Variants in PZP observed in about 807,000 individuals in gnomAD.
PZP encodes pregnancy zone protein.
In PZP, 150 loss-of-function variants were observed where a neutral mutation model predicts 179.8. The ratio of observed to expected loss-of-function variants is 0.83; its 90% CI spans 0.73 to 0.96. PZP has a LOEUF of 0.96. PZP is among the 40% of genes least tolerant of loss of function. PZP has a pLI of 0.00. For synonymous variants in PZP, 624 were observed against 652.3 expected (o/e 0.96, Z 0.66); for missense variants, 1,689 against 1,764.0 (o/e 0.96, Z 0.76).
the PZP span, among the ~76,000 whole-genome samples, chr12:9,143,035 A>G: frequency 2.6e-5 from 4 of 152,376 alleles, no homozygotes; most frequent in East Asian, 7.7e-4. Context: ...AGAGAAAAAC[A>G]TAAAGGCCTT....
chr12:9,150,743 T>C lies in PZP; in HGVS notation c.4285A>G (p.Thr1429Ala). Residue 1429 changes from threonine (T) to alanine (A), a missense_variant, in exon 34 of 36, where the codon ACA (threonine) becomes GCA (alanine). This residue lies in a region of PZP where 746 missense variants were observed against 749.2 expected (regional missense o/e 1.00). Coordinates refer to ENST00000261336, the MANE Select transcript of PZP (RefSeq NM_002864.3). ...AAGGAAAAACTTAGCGTCTGATTTG[T>C]CACCTGAAAGGAAAAGTGGGAGTAA... Reference protein sequence around the residue: ...NHVLIYVEQVTNQTLSFSFMV... With the variant: ...NHVLIYVEQVANQTLSFSFMV... 1 of 1,607,926 alleles carries C rather than the reference T, an allele frequency of 6.2e-7. No individual in the cohort carries two copies. Among genetic ancestry groups the C allele is most frequent in the Non-Finnish European group, 8.5e-7 (1 of 1,175,228 alleles).
At chr12:9,203,055 G>T (rs1302201141) in intron 2 of PZP, among the ~76,000 whole-genome samples, 5 of 152,042 alleles carry the variant, frequency 3.3e-5, no homozygotes, top group Admixed American at 3.3e-4. Flanking sequence ...GTTTGCTTAG[G>T]GTATCCTGCA....
intron 16 of PZP, among the ~76,000 whole-genome samples, 162 bp downstream of exon 16, chr12:9,169,267 TG>T (rs1941814148): frequency 6.6e-6 from 1 of 152,246 alleles, no homozygotes; most frequent in South Asian, 2.1e-4. Context: ...AGCTTTTGTG[TG>T]ATCCTCACAA....
intron 7 of PZP, among the ~76,000 whole-genome samples, chr12:9,198,205 G>T (rs943609395): frequency 1.3e-5 from 2 of 151,616 alleles, no homozygotes; most frequent in African/African-American, 4.8e-5. Flanking sequence ...AAAAAGATTA[G>T]CTGGGTATGG....
Position 9,164,221 on chromosome 12 carries a change from A to C in PZP, c.2526T>G (p.Ala842=), listed in dbSNP as rs766147085. Residue 842 remains alanine (A), a synonymous_variant, in exon 20 of 36, where the codon GCT becomes GCG. Transcript: ENST00000261336. ...VQLKASPAFL[A]SQNTKGEESY... ...ATTCTTCTCCCTTTGTATTTTGGGA[A>C]GCTAGGAAGGCTGGAGAGGCTTTCA... 2 of 1,612,504 alleles carry C rather than the reference A, an allele frequency of 1.2e-6. No homozygotes were observed. Among genetic ancestry groups the C allele is most frequent in the East Asian group, 2.2e-5 (1 of 44,868 alleles).
In PZP at chr12:9,200,947, C is replaced by A. The variant is rs1239900676; in HGVS notation, c.615G>T (p.Val205=). 1 of 1,614,038 alleles carries A rather than the reference C, an allele frequency of 6.2e-7. No homozygotes were observed. The highest frequency in any genetic ancestry group is 8.5e-7 in the Non-Finnish European group (1 of 1,179,940). The change falls in exon 6 of 36, where the codon GTG becomes GTT. Residue 205 remains valine (V), a synonymous_variant. Transcript: ENST00000261336. ...TCCTTCCACCTGATTCTGTCTGTAC[C>A]ACCACCCTGTAGGAGCCCTGAATGG... The part of the protein sequence containing the change: ...SEPIQGSYRV[V]VQTESGGRIQ...
intron 17 of PZP, among the ~76,000 whole-genome samples, chr12:9,167,855 T>C (rs944958402): frequency 6.6e-6 from 1 of 152,202 alleles, no homozygotes; most frequent in African/African-American, 2.4e-5. Flanking sequence ...TCTATGTAAA[T>C]CTCATGGCTA....
Position 9,169,798 on chromosome 12 carries a change from A to T in PZP, c.1840-207T>A, listed in dbSNP as rs75698727. On this transcript the variant is annotated intron_variant, in intron 15 of 35. Coordinates refer to ENST00000261336, the MANE Select transcript of PZP (RefSeq NM_002864.3). The stretch of plus-strand genomic sequence containing the variant: ...GAAACCTACTTGGGAAAATGCTTCC[A>T]AAGATTAACAAAATCTTAAGTTATG... 4.5e-3 allele frequency: 1,939 copies of T among 428,370 alleles called. 31 individuals are homozygous for T. The highest frequency in any genetic ancestry group is 0.036 in the African/African-American group (1,739 of 48,920). The allele number at this position is 428,370 out of a possible 1,614,324, so 26.5% of individuals were successfully genotyped here.
At chr12:9,162,086 C>G (rs1428002327) in intron 22 of PZP, among the ~76,000 whole-genome samples, 1 of 152,142 alleles carries the variant, frequency 6.6e-6, no homozygotes, top group Non-Finnish European at 1.5e-5. Context: ...CCCAGCCCCC[C>G]ATGTAGCTGG....
intron 13 of PZP, among the ~76,000 whole-genome samples, chr12:9,182,580 A>T (rs1362569803): frequency 6.6e-6 from 1 of 152,242 alleles, no homozygotes. Flanking sequence ...TGAACTTCCT[A>T]AAAGAATATT....
downstream of PZP, among the ~76,000 whole-genome samples, chr12:9,147,840 G>C (rs1940090824): frequency 6.6e-6 from 1 of 152,034 alleles, no homozygotes; most frequent in African/African-American, 2.4e-5. Context: ...TTCTCCAAAT[G>C]TTGCCTTTAT....
At chr12:9,141,178 A>G in the PZP span, among the ~76,000 whole-genome samples, 1 of 152,204 alleles carries the variant, frequency 6.6e-6, no homozygotes, top group Admixed American at 6.5e-5. Context: ...GATAACGTAC[A>G]CTAAGATATA....
chr12:9,176,720 G>A (rs1354546723), intron 15 of PZP, among the ~76,000 whole-genome samples: 1 of 152,226 alleles, frequency 6.6e-6, no homozygotes, highest in Non-Finnish European at 1.5e-5. Flanking sequence ...TGATCTCAGA[G>A]TAATTATGGA....
Position 9,194,157 on chromosome 12 carries a change from T to C in PZP, c.1174A>G (p.Asn392Asp), listed in dbSNP as rs1209138657. 5 of 1,613,966 alleles carry C rather than the reference T, an allele frequency of 3.1e-6. No homozygotes were observed. The South Asian group carries it at 4.4e-5, about 14-fold the overall frequency. ...ISVNDANYYS[N>D]ATTNEQGLAQ... Reference sequence around the variant, plus strand: ...AGACCCTGCTCATTGGTGGTTGCATTGGAGTAATAATTGGCGTCATTCACA... The same window carrying C: ...AGACCCTGCTCATTGGTGGTTGCATCGGAGTAATAATTGGCGTCATTCACA... Residue 392 changes from asparagine (N) to aspartate (D), a missense_variant, in exon 11 of 36, where the codon AAT (asparagine) becomes GAT (aspartate). Asn to Asp is a conservative substitution (Grantham distance 23, BLOSUM62 1). Around this residue, in one of 3 missense-constraint regions of PZP, gnomAD observed 742 missense variants for 730.5 expected, o/e 1.02. Coordinates refer to ENST00000261336, the MANE Select transcript of PZP (RefSeq NM_002864.3).
At position 9,159,921 on chromosome 12, in the gene PZP, T is replaced by C. The variant is rs751449835; in HGVS notation, c.3137+17A>G. 6.3e-6 allele frequency: 10 copies of C among 1,588,490 alleles called. No individual in the cohort carries two copies. In the African/African-American group the frequency reaches 8.1e-5, roughly 13 times the overall value. ...CTGAACTCATAGTTGAAACTCAGAA[T>C]AGATTTTCTTTCTTACCAAGTGTTG... On this transcript the variant is annotated intron_variant, in intron 25 of 35. Transcript: ENST00000261336.
Position 9,203,958 on chromosome 12 carries a change from A to G in PZP, c.84-7T>C. ...GACCAGCACCATATACTGCCTGGGA[A>G]AGGAAGAAGTCTAAATTAGAGAAAA... On this transcript the variant is annotated splice_region_variant and splice_polypyrimidine_tract_variant and intron_variant, in intron 1 of 35. Coordinates refer to ENST00000261336, the MANE Select transcript of PZP (RefSeq NM_002864.3). 1.2e-6 allele frequency: 2 copies of G among 1,602,630 alleles called. No individual in the cohort carries two copies. The highest frequency in any genetic ancestry group is 1.7e-6 in the Non-Finnish European group (2 of 1,174,376).
rs375142303 is a variant in PZP at position 9,149,028 on chromosome 12, T to G, written c.4427-34A>C. ...AAAAGAAAAACGTAAGGAGGTTGTA[T>G]CATTTCCTGAGGAGCATTCAGTTGA... is the stretch of plus-strand genomic sequence containing the variant. On this transcript the variant is annotated intron_variant, in intron 35 of 35. Coordinates refer to ENST00000261336, the MANE Select transcript of PZP (RefSeq NM_002864.3). 130 of 1,598,700 alleles carry G rather than the reference T, an allele frequency of 8.1e-5. No individual in the cohort carries two copies. The African/African-American group carries it at 1.7e-3, about 21-fold the overall frequency.
intron 21 of PZP, 83 bp from the exon 22 acceptor site, chr12:9,162,731 T>C: frequency 8.9e-7 from 1 of 1,119,434 alleles, no homozygotes; most frequent in Non-Finnish European, 1.3e-6. Flanking sequence ...CTTTGATGGG[T>C]AGGGTTTACA....
At chr12:9,181,230 T>C (rs1592513562) in intron 14 of PZP, 98 bp from the exon 15 acceptor site, 3 of 1,460,016 alleles carry the variant, frequency 2.1e-6, no homozygotes, top group East Asian at 4.7e-5. Flanking sequence ...TCAGTTCATA[T>C]GACTATGTTG....
Sources: gnomAD v4.1 joint callset for allele counts (sites outside exome capture counted in the v4.1 genomes callset) on GRCh38, gnomAD v4.1.1 for gene constraint, gnomAD v4.1.1 regional missense constraint, MANE v1.5 for transcripts, NCBI Gene and HGNC (gene_info 2026-07-23, HGNC 2026-07-21) for gene names.